The following PDE3A variants were observed in gnomAD, a reference collection of about 807,000 sequenced individuals.
The protein encoded by PDE3A is phosphodiesterase 3A, also known as cGMP-inhibited 3',5'-cyclic phosphodiesterase 3A.
In PDE3A, 43 loss-of-function variants were observed where a neutral mutation model predicts 98.3. The ratio of observed to expected loss-of-function variants is 0.44; its 90% CI spans 0.34 to 0.56. The LOEUF (loss-of-function observed/expected upper bound fraction) is 0.56, where lower values mean the gene tolerates loss of function less well. PDE3A is among the 20% of genes least tolerant of loss of function. The pLI is 0.01. For missense variants in PDE3A, 1,427 were observed against 1,440.7 expected, an observed-to-expected ratio of 0.99 and a Z score of 0.15; for synonymous variants, 663 against 567.9, an observed-to-expected ratio of 1.17 and a Z score of -2.38.
chr12:20,613,370 A>T, intron 2 of PDE3A, 73 bp from the exon 3 acceptor site: 1 of 1,398,554 alleles, frequency 7.2e-7, no homozygotes, highest in Non-Finnish European at 1.0e-6. Context: ...TTAGTGAAAA[A>T]GTCCAAATTA....
At chr12:20,446,926 G>T (rs536280568) in intron 1 of PDE3A, among the ~76,000 whole-genome samples, 1 of 152,154 alleles carries the variant, frequency 6.6e-6, no homozygotes, top group African/African-American at 2.4e-5. Context: ...AACAGCAAGC[G>T]TAAATCTCAC....
intron 1 of PDE3A, among the ~76,000 whole-genome samples, chr12:20,479,042 T>C (rs984694838): frequency 1.3e-5 from 2 of 152,192 alleles, no homozygotes; most frequent in East Asian, 3.8e-4. Flanking sequence ...TGGCCAGGCT[T>C]CTTATCTCTA....
chr12:20,557,503 C>A (rs749332715), intron 2 of PDE3A, among the ~76,000 whole-genome samples: 1 of 152,114 alleles, frequency 6.6e-6, no homozygotes, highest in Non-Finnish European at 1.5e-5. Flanking sequence ...GCTTCTATTG[C>A]ACACATTTTG....
At chr12:20,582,326 G>A (rs1322900110) in intron 2 of PDE3A, among the ~76,000 whole-genome samples, 1 of 152,000 alleles carries the variant, frequency 6.6e-6, no homozygotes, top group African/African-American at 2.4e-5. Context: ...AAGTAGCTGG[G>A]AATACAGGCA....
At chr12:20,425,177 A>G (rs1217219679) in intron 1 of PDE3A, among the ~76,000 whole-genome samples, 1 of 152,232 alleles carries the variant, frequency 6.6e-6, no homozygotes, top group Non-Finnish European at 1.5e-5. Flanking sequence ...CTCGGTGACC[A>G]ATAATGTCTG....
rs1256903403 is a variant in PDE3A, at chr12:20,650,445, G to A, written c.2770G>A (p.Val924Ile). ...FDFVAKFNGK[V>I]NDDVGIDWTN... ...TATATTAACTTTATCTCTCAAATAG[G>A]TAAATGATGATGTTGGAATAGATTG... The change falls in exon 14 of 16, where the codon GTA (valine) becomes ATA (isoleucine). Residue 924 changes from valine (V) to isoleucine (I), a missense_variant and splice_region_variant. Physicochemically the swap from Val to Ile is conservative, Grantham distance 29 (BLOSUM62 3). Around this residue, in one of 3 missense-constraint regions of PDE3A, gnomAD observed 273 missense variants for 420.3 expected, o/e 0.65. Coordinates refer to ENST00000359062, the MANE Select transcript of PDE3A (RefSeq NM_000921.5). 5 of 1,591,596 alleles carry A rather than the reference G, an allele frequency of 3.1e-6. No individual in the cohort carries two copies. The African/African-American group carries it at 5.4e-5, about 17-fold the overall frequency.
chr12:20,481,764 ATTTTTTTTT>A (rs10657239), intron 1 of PDE3A, among the ~76,000 whole-genome samples: 3 of 79,594 alleles, frequency 3.8e-5, no homozygotes, highest in Admixed American at 2.2e-4. Context: ...TGGGAAATAG[ATTTTTTTTT>A]TTTTTTTTTT....
At chr12:20,440,347 G>A (rs987620446) in intron 1 of PDE3A, among the ~76,000 whole-genome samples, 2 of 152,130 alleles carry the variant, frequency 1.3e-5, no homozygotes, top group African/African-American at 4.8e-5. Flanking sequence ...ACTGAGTATA[G>A]TGAAAAGTTT....
chr12:20,438,394 C>T (rs1944813704), intron 1 of PDE3A, among the ~76,000 whole-genome samples: 2 of 152,170 alleles, frequency 1.3e-5, no homozygotes, highest in African/African-American at 4.8e-5. Flanking sequence ...AAATACATTT[C>T]TCAGCATTCC....
chr12:20,539,644 A>AGATG (rs1941844463), intron 1 of PDE3A, among the ~76,000 whole-genome samples: 1 of 152,216 alleles, frequency 6.6e-6, no homozygotes, highest in African/African-American at 2.4e-5. Flanking sequence ...ATGAATGGAT[A>AGATG]GATGGATGGA....
In PDE3A at chr12:20,604,071, A is replaced by C. The variant is rs373483720; in HGVS notation, c.1012-9372A>C. ...GGGGTCCTAGCTATTCGGGAGGCTG[A>C]GGCAGGAGAATTGCTTGAAACCAGG... On this transcript the variant is annotated intron_variant, in intron 2 of 15. Transcript: ENST00000359062. Among the ~76,000 whole-genome samples the C allele has an allele frequency of 2.5e-3, 381 of 152,204 alleles. 1 individual carries two copies. The highest frequency in any genetic ancestry group is 8.8e-3 in the African/African-American group (364 of 41,532).
At chr12:20,474,751 G>C (rs1945498817) in intron 1 of PDE3A, among the ~76,000 whole-genome samples, 2 of 152,052 alleles carry the variant, frequency 1.3e-5, no homozygotes, top group Non-Finnish European at 2.9e-5. Flanking sequence ...TGTCCTTAAA[G>C]TTTCCTCTGC....
chr12:20,668,530 G>A (rs975740867), intron 15 of PDE3A, among the ~76,000 whole-genome samples: 2 of 152,162 alleles, frequency 1.3e-5, no homozygotes, highest in African/African-American at 4.8e-5. Context: ...TCCTCAAGTG[G>A]GTCCCTGACC....
At chr12:20,671,826 C>G (rs1301314263) in intron 15 of PDE3A, among the ~76,000 whole-genome samples, 1 of 146,646 alleles carries the variant, frequency 6.8e-6, no homozygotes, top group South Asian at 2.3e-4. Context: ...TCCTATTCAA[C>G]ATAGTGTTGG....
Position 20,486,281 on chromosome 12 carries a change from G to A in PDE3A, c.961-70379G>A, listed in dbSNP as rs151304995. The stretch of plus-strand genomic sequence containing the variant: ...GAAGGGGAAGCAATGCACCTTCTTC[G>A]CAAGGTGGCAGGAAGGAGAATGAAC... On this transcript the variant is annotated intron_variant, in intron 1 of 15. Transcript: ENST00000359062. Among the ~76,000 whole-genome samples, 590 of 152,150 alleles carry A rather than the reference G, an allele frequency of 3.9e-3. 4 individuals carry two copies. Among genetic ancestry groups the A allele is most frequent in the African/African-American group, 0.014 (564 of 41,502 alleles).
intron 1 of PDE3A, among the ~76,000 whole-genome samples, chr12:20,395,264 T>G (rs1160578814): frequency 1.3e-5 from 2 of 151,958 alleles, no homozygotes; most frequent in African/African-American, 4.8e-5. Flanking sequence ...ATAAAATTGC[T>G]TGCAGCCTGG....
chr12:20,503,459 CT>C (rs1946058818), intron 1 of PDE3A, among the ~76,000 whole-genome samples: 2 of 151,888 alleles, frequency 1.3e-5, no homozygotes, highest in African/African-American at 2.4e-5. Context: ...AGATAAAATG[CT>C]TTTTTCTCCT....
At chr12:20,581,708 G>T (rs1340710470) in intron 2 of PDE3A, among the ~76,000 whole-genome samples, 1 of 149,158 alleles carries the variant, frequency 6.7e-6, no homozygotes, top group Admixed American at 6.7e-5. Flanking sequence ...CGCCTCCCGG[G>T]TTCACGCCAT....
chr12:20,594,575 T>C (rs1254007128), intron 2 of PDE3A, among the ~76,000 whole-genome samples: 1 of 151,170 alleles, frequency 6.6e-6, no homozygotes, highest in Non-Finnish European at 1.5e-5. Flanking sequence ...CAAAATGCTG[T>C]GGGGTTAGAA....
Sources: allele counts gnomAD v4.1 joint callset (sites outside exome capture counted in the v4.1 genomes callset), GRCh38; gene constraint gnomAD v4.1.1; regional missense constraint gnomAD v4.1.1; transcripts MANE v1.5; gene names NCBI Gene and HGNC (gene_info 2026-07-23, HGNC 2026-07-21).